RPS6KA2: variants seen among roughly 807,000 people sequenced by gnomAD.
RPS6KA2 encodes the protein ribosomal protein S6 kinase A2.
RPS6KA2 carries 42 observed loss-of-function variants against 91.8 expected under a neutral mutation model. The observed-to-expected ratio is 0.46, with a 90% CI of 0.36 to 0.59. The LOEUF (loss-of-function observed/expected upper bound fraction) is 0.59. Among genes scored for constraint, RPS6KA2 ranks in the 20% least tolerant of loss-of-function variants. RPS6KA2 has a pLI of 0.00. For synonymous variants in RPS6KA2, 414 were observed against 393.6 expected, an observed-to-expected ratio of 1.05 and a Z score of -0.61; for missense variants, 798 against 978.5, an observed-to-expected ratio of 0.82 and a Z score of 2.46.
At chr6:166,829,589 C>CAAAAAAAAAAAAA (rs57711560) in intron 2 of RPS6KA2, among the ~76,000 whole-genome samples, 1 of 96,938 alleles carries the variant, frequency 1.0e-5, no homozygotes, top group African/African-American at 4.7e-5. Flanking sequence ...GACTCTGTCT[C>CAAAAAAAAAAAAA]AAAAAAAAAA....
chr6:166,790,209 G>C (rs1479817441), intron 2 of RPS6KA2, among the ~76,000 whole-genome samples: 1 of 152,198 alleles, frequency 6.6e-6, no homozygotes, highest in Admixed American at 6.5e-5. Context: ...AGAATTACGT[G>C]AAGAATGCAG....
chr6:166,738,316 T>C (rs7740311), intron 2 of RPS6KA2, among the ~76,000 whole-genome samples: 67,607 of 152,134 alleles, frequency 0.44, 18,672 homozygotes, highest in African/African-American at 0.79. Flanking sequence ...CCCAGTTGGT[T>C]ACCCAGTGGT....
Position 166,648,164 on chromosome 6 carries a change from G to GCACACA in RPS6KA2, c.124-109386_124-109381dup, listed in dbSNP as rs796961486. Among the ~76,000 whole-genome samples, 1 of 119,800 alleles carries GCACACA rather than the reference G, an allele frequency of 8.3e-6. No homozygotes were observed. Among genetic ancestry groups the GCACACA allele is most frequent in the African/African-American group, 3.0e-5 (1 of 32,826 alleles). 78.6% of individuals were successfully genotyped at this position (119,800 alleles called of 152,430 possible). ...CACACGCACATGGTTACACACCCAT[G>GCACACA]CACACATGCTCACACACATGCACAC... On this transcript the variant is annotated intron_variant, in intron 2 of 21. Transcript: ENST00000503859. This position sits in a 1 kb window ranked among gnomAD's most constrained non-coding sequence, Gnocchi z 4.8.
At chr6:166,811,921 C>A (rs185094058) in intron 2 of RPS6KA2, among the ~76,000 whole-genome samples, 2 of 152,142 alleles carry the variant, frequency 1.3e-5, no homozygotes, top group Non-Finnish European at 2.9e-5. Context: ...CAGAGCCATC[C>A]GAGGATATTT....
In RPS6KA2 at chr6:166,626,306, C is replaced by G. The variant is rs1486778436; in HGVS notation, c.99+615G>C. Among the ~76,000 whole-genome samples the G allele has an allele frequency of 2.0e-5, 3 of 152,220 alleles. No individual in the cohort carries two copies. The highest frequency in any genetic ancestry group is 6.5e-5 in the Admixed American group (1 of 15,288). ...TTGGGAGTACTCTGGGTTTTCAGGA[C>G]GAATCTGTATCAGCCTCGGCGCTGC... On this transcript the variant is annotated intron_variant, in intron 1 of 20. Transcript: ENST00000265678. This position sits in a 1 kb window ranked among gnomAD's most constrained non-coding sequence, Gnocchi z 4.1.
At chr6:166,625,541 T>A (rs914855265) in intron 1 of RPS6KA2, among the ~76,000 whole-genome samples, 2 of 152,016 alleles carry the variant, frequency 1.3e-5, no homozygotes, top group Admixed American at 6.6e-5. Flanking sequence ...GCAAAGACAG[T>A]AAATGGAAGG....
At chr6:166,660,316 G>GTGTGTGTGTGCA (rs1562369387) in intron 2 of RPS6KA2, among the ~76,000 whole-genome samples, 3 of 151,538 alleles carry the variant, frequency 2.0e-5, no homozygotes, top group Admixed American at 6.6e-5. Context: ...GTGTGCATGT[G>GTGTGTGTGTGCA]TGTGTGTGTG....
intron 1 of RPS6KA2, among the ~76,000 whole-genome samples, chr6:166,573,771 T>C (rs1386499175): frequency 6.6e-6 from 1 of 152,224 alleles, no homozygotes; most frequent in Non-Finnish European, 1.5e-5. Context: ...GGTGAAACAG[T>C]CTGGGAACTT....
At chr6:166,525,915 G>T (rs1202139787) in intron 3 of RPS6KA2, among the ~76,000 whole-genome samples, 3 of 152,188 alleles carry the variant, frequency 2.0e-5, no homozygotes, top group African/African-American at 7.2e-5. Flanking sequence ...GAACGCAGAG[G>T]TGTTAGAGCT....
At chr6:166,655,601 G>A (rs567906160) in intron 2 of RPS6KA2, among the ~76,000 whole-genome samples, 5 of 152,334 alleles carry the variant, frequency 3.3e-5, no homozygotes, top group Admixed American at 3.3e-4. Context: ...GGCTGGAAAG[G>A]TTCTAGCTTC....
At chr6:166,515,308 T>G (rs1254303643) in intron 3 of RPS6KA2, among the ~76,000 whole-genome samples, 1 of 152,146 alleles carries the variant, frequency 6.6e-6, no homozygotes, top group African/African-American at 2.4e-5. Flanking sequence ...GACGATGTGA[T>G]GAGGACATCG....
intron 1 of RPS6KA2, among the ~76,000 whole-genome samples, chr6:166,582,431 T>C (rs1785051004): frequency 6.6e-6 from 1 of 152,240 alleles, no homozygotes; most frequent in Non-Finnish European, 1.5e-5. Context: ...TCACGCTGAC[T>C]GTTCACAGCT....
intron 2 of RPS6KA2, among the ~76,000 whole-genome samples, chr6:166,687,420 C>T (rs1463363319): frequency 6.6e-6 from 1 of 152,212 alleles, no homozygotes; most frequent in Admixed American, 6.5e-5. Flanking sequence ...ACAACAGTGG[C>T]ACCTCCCTGC....
intron 1 of RPS6KA2, among the ~76,000 whole-genome samples, chr6:166,592,424 G>A: frequency 6.6e-6 from 1 of 152,164 alleles, no homozygotes; most frequent in East Asian, 1.9e-4. Flanking sequence ...CAGAATCTGT[G>A]AATCTCACTT....
rs1779356543 is a variant in RPS6KA2, at chr6:166,437,312, G to A, written c.1333-4822C>T. On this transcript the variant is annotated intron_variant, in intron 14 of 20. Transcript: ENST00000265678. The surrounding 1 kb of genome is among the most constrained non-coding windows in gnomAD (Gnocchi z 4.3). ...TTATTAGAGCAAGCTCTGGTGGACG[G>A]CGTTCCTCATTCTGAGAATAATATT... Among the ~76,000 whole-genome samples, 1 of 152,172 alleles carries A rather than the reference G, an allele frequency of 6.6e-6. No individual in the cohort carries two copies. Among genetic ancestry groups the A allele is most frequent in the African/African-American group, 2.4e-5 (1 of 41,428 alleles).
intron 2 of RPS6KA2, among the ~76,000 whole-genome samples, chr6:166,807,146 T>A (rs1779512426): frequency 6.6e-6 from 1 of 152,214 alleles, no homozygotes; most frequent in South Asian, 2.1e-4. Context: ...AGTCCCTCCA[T>A]ACCAATAATC....
chr6:166,633,174 C>G (rs1460577185), intron 2 of RPS6KA2, among the ~76,000 whole-genome samples: 1 of 152,196 alleles, frequency 6.6e-6, no homozygotes, highest in South Asian at 2.1e-4. Context: ...GAGCTGAGAT[C>G]GTGCCACTGC....
chr6:166,568,048 G>A (rs1173261123), intron 1 of RPS6KA2, among the ~76,000 whole-genome samples: 1 of 152,114 alleles, frequency 6.6e-6, no homozygotes, highest in Non-Finnish European at 1.5e-5. Context: ...TACCTCCACC[G>A]CCAGCCCCAG....
At chr6:166,530,852 T>A (rs1293431565) in intron 3 of RPS6KA2, among the ~76,000 whole-genome samples, 1 of 152,206 alleles carries the variant, frequency 6.6e-6, no homozygotes, top group Non-Finnish European at 1.5e-5. Flanking sequence ...AACCCAACCA[T>A]GAGTCACGTT....
Sources: allele counts gnomAD v4.1 joint callset (sites outside exome capture counted in the v4.1 genomes callset), GRCh38; gene constraint gnomAD v4.1.1; non-coding constraint Gnocchi (gnomAD v3.1); transcripts MANE v1.5; gene names NCBI Gene and HGNC (gene_info 2026-07-23, HGNC 2026-07-21).